Variants in PANX1 observed in about 807,000 individuals in gnomAD.
The protein encoded by PANX1 is pannexin-1.
PANX1 carries 30 observed loss-of-function variants against 38.7 expected under a neutral mutation model. The ratio of observed to expected loss-of-function variants is 0.78; its 90% confidence interval spans 0.58 to 1.05. PANX1 has a LOEUF of 1.05. PANX1 is among the 50% of genes least tolerant of loss of function. The pLI is 0.00. For synonymous variants in PANX1, 230 were observed against 212.2 expected, an observed-to-expected ratio of 1.08 and a Z score of -0.73; for missense variants, 551 against 517.2, an observed-to-expected ratio of 1.07 and a Z score of -0.63.
chr11:94,180,549 G>C (rs780239059), intron 4 of PANX1, among the ~76,000 whole-genome samples: 7 of 152,062 alleles, frequency 4.6e-5, no homozygotes, highest in South Asian at 2.1e-4. Context: ...AATCTTCCTT[G>C]TCTTTCTTGC....
chr11:94,139,563 C>G (rs1420051505), intron 1 of PANX1, among the ~76,000 whole-genome samples: 2 of 152,186 alleles, frequency 1.3e-5, no homozygotes, highest in Admixed American at 6.5e-5. Context: ...TCCTGGATAG[C>G]CTTGTGAGCC....
Position 94,129,201 on chromosome 11 carries a change from A to C in PANX1, c.-112A>C. 1.2e-6 allele frequency: 1 copy of C among 852,002 alleles called. No homozygotes were observed. Among genetic ancestry groups the C allele is most frequent in the Admixed American group, 2.7e-5 (1 of 37,496 alleles). The allele number at this position is 852,002 out of a possible 1,614,324, so 52.8% of individuals were successfully genotyped here. A position where few individuals can be genotyped will look rare whatever the true frequency, so the allele number is the denominator to read the frequency against. ...AGGCAGGCGGGATGCGGGAGCAGGCAAAGGGAAAGCGAAAGCCGCGCGCCC... is the reference window on the plus strand; with the variant it reads ...AGGCAGGCGGGATGCGGGAGCAGGCCAAGGGAAAGCGAAAGCCGCGCGCCC... On this transcript the variant is annotated 5_prime_UTR_variant, in exon 1 of 5. Transcript: ENST00000227638.
intron 1 of PANX1, among the ~76,000 whole-genome samples, chr11:94,136,585 G>A (rs1565372148): frequency 1.3e-5 from 2 of 151,564 alleles, no homozygotes; most frequent in African/African-American, 4.9e-5. Context: ...TCGAGACCAC[G>A]GTGAAACCCT....
At chr11:94,175,733 C>A (rs1947225340) in intron 2 of PANX1, 1 of 984,336 alleles carries the variant, frequency 1.0e-6, no homozygotes, top group East Asian at 1.1e-4. Flanking sequence ...AATGAACATT[C>A]CTTCTCCCCA....
intron 2 of PANX1, among the ~76,000 whole-genome samples, chr11:94,167,582 T>G (rs1464414516): frequency 6.6e-6 from 1 of 152,234 alleles, no homozygotes; most frequent in Non-Finnish European, 1.5e-5. Flanking sequence ...GAGATCCAGA[T>G]AGTGGATTGA....
chr11:94,167,599 A>G (rs878982986), intron 2 of PANX1, among the ~76,000 whole-genome samples: 3 of 152,270 alleles, frequency 2.0e-5, no homozygotes, highest in Admixed American at 6.5e-5. Flanking sequence ...TTGATCAACC[A>G]TGCATTTTAA....
At chr11:94,148,205 A>G (rs1477498174) in intron 1 of PANX1, among the ~76,000 whole-genome samples, 3 of 152,362 alleles carry the variant, frequency 2.0e-5, no homozygotes, top group Non-Finnish European at 2.9e-5. Flanking sequence ...AATTTGGGAC[A>G]TCCAGAATAT....
chr11:94,129,755 A>AAGGC (rs1946604967), intron 1 of PANX1, among the ~76,000 whole-genome samples: 2 of 152,062 alleles, frequency 1.3e-5, no homozygotes, highest in African/African-American at 2.4e-5. Flanking sequence ...CTTATAGTTT[A>AAGGC]TGTTCCACCC....
At chr11:94,133,151 G>T (rs781705463) in intron 1 of PANX1, among the ~76,000 whole-genome samples, 20 of 152,230 alleles carry the variant, frequency 1.3e-4, no homozygotes, top group Non-Finnish European at 2.4e-4. Context: ...CATGGTGGCT[G>T]CAGGTGAAGC....
intron 1 of PANX1, among the ~76,000 whole-genome samples, chr11:94,149,700 T>C (rs527391633): frequency 1.3e-5 from 2 of 152,316 alleles, no homozygotes; most frequent in South Asian, 2.1e-4. Context: ...CTAGAAATTA[T>C]AGCACACACT....
intron 1 of PANX1, among the ~76,000 whole-genome samples, chr11:94,132,367 G>A (rs1300475835): frequency 6.6e-6 from 1 of 152,172 alleles, no homozygotes; most frequent in Admixed American, 6.5e-5. Flanking sequence ...CAGAAGGAGG[G>A]GTTTCTTCTG....
At chr11:94,165,907 C>G (rs1272960017) in intron 2 of PANX1, among the ~76,000 whole-genome samples, 2 of 152,026 alleles carry the variant, frequency 1.3e-5, no homozygotes, top group Non-Finnish European at 2.9e-5. Flanking sequence ...GAGTGAAACT[C>G]TGTTTCAAGT....
At chr11:94,176,832 C>T (rs1947237799) in intron 2 of PANX1, among the ~76,000 whole-genome samples, 1 of 151,656 alleles carries the variant, frequency 6.6e-6, no homozygotes, top group East Asian at 1.9e-4. Flanking sequence ...GTCTGACTCT[C>T]ACTTACCAGC....
chr11:94,167,970 A>G lies in PANX1; in HGVS notation c.322-10399A>G, dbSNP rs545446877. On this transcript the variant is annotated intron_variant, in intron 2 of 4. Coordinates refer to ENST00000227638, the MANE Select transcript of PANX1 (RefSeq NM_015368.4). ...GAAGCCAGTGCAGTCTGGGAGAAAT[A>G]CAACTTACTGGATTTAATGAAAATA... 1.2e-4 allele frequency among the ~76,000 whole-genome samples: 19 copies of G among 152,364 alleles called. No homozygotes were observed. The South Asian group carries it at 3.7e-3, about 30-fold the overall frequency.
intron 1 of PANX1, among the ~76,000 whole-genome samples, chr11:94,131,669 G>T (rs1416033194): frequency 1.3e-5 from 2 of 152,158 alleles, no homozygotes; most frequent in African/African-American, 4.8e-5. Flanking sequence ...ACAGACATGT[G>T]GGATGAAGCT....
rs1280186460 is a variant in PANX1, at chr11:94,181,793, C to T, written c.*924C>T. On this transcript the variant is annotated 3_prime_UTR_variant, in exon 5 of 5. Transcript: ENST00000227638. ...AGGGCACATAAGTGACATTGGCATG[C>T]TTCATATGGCGTGCTTGGAGCCAGA... 6.6e-6 allele frequency: 1 copy of T among 152,158 alleles called. No individual in the cohort carries two copies. The highest frequency in any genetic ancestry group is 1.5e-5 in the Non-Finnish European group (1 of 68,032). 9.4% of individuals were successfully genotyped at this position (152,158 alleles called of 1,614,324 possible). A position where few individuals can be genotyped will look rare whatever the true frequency, so the allele number is the denominator to read the frequency against.
At chr11:94,163,987 AT>A (rs373086747) in intron 2 of PANX1, among the ~76,000 whole-genome samples, 2,813 of 151,640 alleles carry the variant, frequency 0.019, 85 homozygotes, top group African/African-American at 0.065. Context: ...AAATTTATCA[AT>A]TTTTTTTAGG....
In PANX1 at chr11:94,162,363, C is replaced by G. The variant is rs370839766; in HGVS notation, c.321+8733C>G. ...AGGCCTCCTTGAGCTGTGGTGGGCT[C>G]CACCCATTTCGAGTTTCCTGGCCAC... On this transcript the variant is annotated intron_variant, in intron 2 of 4. Coordinates refer to ENST00000227638, the MANE Select transcript of PANX1 (RefSeq NM_015368.4). Among the ~76,000 whole-genome samples, 43 of 152,308 alleles carry G rather than the reference C, an allele frequency of 2.8e-4. No homozygotes were observed. In the East Asian group the frequency reaches 6.4e-3, roughly 23 times the overall value.
At chr11:94,143,239 G>A (rs909357565) in intron 1 of PANX1, among the ~76,000 whole-genome samples, 1 of 152,220 alleles carries the variant, frequency 6.6e-6, no homozygotes, top group Non-Finnish European at 1.5e-5. Flanking sequence ...ACTTAATGAA[G>A]TTGGATCTAG....
Sources: allele counts gnomAD v4.1 joint callset (sites outside exome capture counted in the v4.1 genomes callset), GRCh38; gene constraint gnomAD v4.1.1; transcripts MANE v1.5; gene names NCBI Gene and HGNC (gene_info 2026-07-23, HGNC 2026-07-21).